The following SENP7 variants were observed in gnomAD, a reference collection of about 807,000 sequenced individuals.
The protein encoded by SENP7 is SUMO specific peptidase 7.
Under a neutral mutation model 141.2 loss-of-function variants are expected in SENP7, and 64 were observed. That is an observed-to-expected ratio of 0.45 (90% confidence interval 0.37 to 0.56). SENP7 has a LOEUF of 0.56. SENP7 is among the 20% of genes least tolerant of loss of function. SENP7 has a pLI of 0.00. For missense variants in SENP7, 1,025 were observed against 1,212.2 expected, an observed-to-expected ratio of 0.85 and a Z score of 2.29; for synonymous variants, 382 against 426.4, an observed-to-expected ratio of 0.90 and a Z score of 1.28.
chr3:101,358,168 C>G (rs1307772916), intron 11 of SENP7: 22 of 551,440 alleles, frequency 4.0e-5, no homozygotes, highest in Admixed American at 3.8e-4. Flanking sequence ...GGAGATATAC[C>G]CTACAAATGT....
At chr3:101,492,600 A>G (rs2065009767) in intron 3 of SENP7, among the ~76,000 whole-genome samples, 2 of 152,068 alleles carry the variant, frequency 1.3e-5, no homozygotes, top group South Asian at 4.1e-4. Flanking sequence ...TGTCCTTATA[A>G]GAAGAAGAGA....
intron 5 of SENP7, among the ~76,000 whole-genome samples, chr3:101,404,688 A>T (rs953345799): frequency 6.6e-6 from 1 of 152,358 alleles, no homozygotes; most frequent in South Asian, 2.1e-4. Flanking sequence ...ACAAATGTCT[A>T]ATTTCCAGAG....
At chr3:101,507,628 G>A (rs940212307) in intron 1 of SENP7, among the ~76,000 whole-genome samples, 1 of 151,496 alleles carries the variant, frequency 6.6e-6, no homozygotes, top group African/African-American at 2.4e-5. Context: ...AACAGAAGTA[G>A]AGATGAACAA....
intron 11 of SENP7, chr3:101,357,568 A>T: frequency 7.9e-7 from 1 of 1,273,556 alleles, no homozygotes; most frequent in Non-Finnish European, 1.1e-6. Context: ...AAAAATGTGG[A>T]CATGACAATT....
chr3:101,377,987 C>T (rs1389011664), intron 6 of SENP7, among the ~76,000 whole-genome samples: 1 of 152,094 alleles, frequency 6.6e-6, no homozygotes, highest in Non-Finnish European at 1.5e-5. Flanking sequence ...ATATAAATAA[C>T]TTCCACATGC....
At chr3:101,366,914 T>C in intron 8 of SENP7, 145 bp from the exon 9 acceptor site, 2 of 569,322 alleles carry the variant, frequency 3.5e-6, no homozygotes, top group South Asian at 2.7e-5. Flanking sequence ...TACATTATAC[T>C]TGCCAATGTC....
At chr3:101,382,928 CAA>C (rs1441747661) in intron 6 of SENP7, among the ~76,000 whole-genome samples, 1 of 152,152 alleles carries the variant, frequency 6.6e-6, no homozygotes, top group Non-Finnish European at 1.5e-5. Flanking sequence ...ATACATATTA[CAA>C]AGAGTCAATA....
intron 3 of SENP7, among the ~76,000 whole-genome samples, chr3:101,469,319 C>T (rs1010265273): frequency 8.5e-5 from 13 of 152,084 alleles, no homozygotes; most frequent in Non-Finnish European, 1.8e-4. Flanking sequence ...CTTTAACACA[C>T]CACTGTCAAT....
intron 3 of SENP7, among the ~76,000 whole-genome samples, chr3:101,480,176 C>A (rs1382599709): frequency 6.6e-6 from 1 of 151,934 alleles, no homozygotes; most frequent in Admixed American, 6.6e-5. Context: ...AGATAATAAA[C>A]CTAAAATTTG....
intron 17 of SENP7, among the ~76,000 whole-genome samples, chr3:101,333,818 T>A (rs1478453899): frequency 3.9e-5 from 6 of 152,170 alleles, no homozygotes; most frequent in Non-Finnish European, 5.9e-5. Context: ...CTAAAATGTG[T>A]CATAAGAGGT....
At chr3:101,445,808 T>C (rs2062868743) in intron 4 of SENP7, among the ~76,000 whole-genome samples, 1 of 152,154 alleles carries the variant, frequency 6.6e-6, no homozygotes, top group Admixed American at 6.5e-5. Flanking sequence ...GGTCATCACA[T>C]ACTGATACAA....
At chr3:101,460,487 G>A (rs573606088) in intron 3 of SENP7, among the ~76,000 whole-genome samples, 144 of 152,122 alleles carry the variant, frequency 9.5e-4, no homozygotes, top group South Asian at 6.0e-3. Context: ...CAACTGAACC[G>A]CCACATGCAA....
intron 11 of SENP7, chr3:101,357,462 C>A: frequency 8.4e-7 from 1 of 1,189,758 alleles, no homozygotes; most frequent in Non-Finnish European, 1.2e-6. Context: ...AAGATGATTG[C>A]CAGACCCCCA....
At chr3:101,484,026 A>G (rs1375453085) in intron 3 of SENP7, among the ~76,000 whole-genome samples, 2 of 148,578 alleles carry the variant, frequency 1.3e-5, no homozygotes, top group African/African-American at 4.9e-5. Flanking sequence ...GACTCTGTCT[A>G]AAAAAAAAAA....
intron 6 of SENP7, among the ~76,000 whole-genome samples, chr3:101,375,527 A>G (rs1257920982): frequency 1.5e-5 from 2 of 130,876 alleles, no homozygotes; most frequent in Non-Finnish European, 3.1e-5. Context: ...GGGCAACAAG[A>G]GCGAAATTCC....
intron 6 of SENP7, among the ~76,000 whole-genome samples, chr3:101,378,044 T>C (rs1258414350): frequency 6.6e-6 from 1 of 152,014 alleles, no homozygotes; most frequent in Non-Finnish European, 1.5e-5. Flanking sequence ...GTTAAAAGAC[T>C]GAAACCTAAC....
chr3:101,402,487 T>C (rs751493815), intron 5 of SENP7, among the ~76,000 whole-genome samples: 6 of 151,886 alleles, frequency 4.0e-5, no homozygotes, highest in Admixed American at 6.6e-5. Flanking sequence ...CCAGGCATGG[T>C]GGTGCACACC....
intron 4 of SENP7, among the ~76,000 whole-genome samples, chr3:101,426,776 C>T (rs1284173143): frequency 6.6e-6 from 1 of 152,124 alleles, no homozygotes; most frequent in Admixed American, 6.6e-5. Context: ...GCCATGGCAC[C>T]CAGCCTAAGA....
intron 15 of SENP7, among the ~76,000 whole-genome samples, chr3:101,341,031 A>C (rs1384806009): frequency 1.3e-5 from 2 of 152,178 alleles, no homozygotes; most frequent in South Asian, 4.1e-4. Context: ...GTATCATGGC[A>C]CCTAAATCAA....
Sources: allele counts gnomAD v4.1 joint callset (sites outside exome capture counted in the v4.1 genomes callset), GRCh38; gene constraint gnomAD v4.1.1; transcripts MANE v1.5; gene names NCBI Gene and HGNC (gene_info 2026-07-23, HGNC 2026-07-21).